Variants in ARHGAP15 observed in about 807,000 individuals in gnomAD.
ARHGAP15 encodes the protein Rho GTPase activating protein 15.
Under a neutral mutation model 63.7 loss-of-function variants are expected in ARHGAP15, and 51 were observed. That is an observed-to-expected ratio of 0.80 (90% CI 0.64 to 1.01). The LOEUF (loss-of-function observed/expected upper bound fraction) is 1.01, where lower values mean the gene tolerates loss of function less well. Ranked by LOEUF, ARHGAP15 falls within the 50% of genes least tolerant of loss-of-function variation. ARHGAP15 has a pLI of 0.00. For synonymous variants in ARHGAP15, 191 were observed against 193.8 expected (o/e 0.99, Z 0.12); for missense variants, 560 against 564.6 (o/e 0.99, Z 0.08).
chr2:143,443,349 G>A (rs576350153), intron 8 of ARHGAP15, among the ~76,000 whole-genome samples: 11 of 151,950 alleles, frequency 7.2e-5, no homozygotes, highest in Admixed American at 1.3e-4. Context: ...CAAAAAAGTC[G>A]TGACATTTTT....
At chr2:143,335,017 C>T (rs1387524850) in intron 6 of ARHGAP15, among the ~76,000 whole-genome samples, 2 of 152,152 alleles carry the variant, frequency 1.3e-5, no homozygotes, top group Admixed American at 1.3e-4. Flanking sequence ...ATAATGTCAT[C>T]AAACTCACGA....
chr2:143,157,659 G>A (rs888144351), intron 2 of ARHGAP15, among the ~76,000 whole-genome samples: 4 of 151,358 alleles, frequency 2.6e-5, no homozygotes, highest in African/African-American at 9.7e-5. Context: ...TTGGCTCAGA[G>A]ATACTGTATT....
At chr2:143,222,190 C>T (rs1365087480) in intron 4 of ARHGAP15, among the ~76,000 whole-genome samples, 2 of 152,192 alleles carry the variant, frequency 1.3e-5, no homozygotes, top group African/African-American at 4.8e-5. Flanking sequence ...CCTAGACCAA[C>T]CAGTTTGAGA....
chr2:143,721,061 C>CCAAAAAAA (rs564224681), intron 13 of ARHGAP15, among the ~76,000 whole-genome samples: 1 of 78,432 alleles, frequency 1.3e-5, no homozygotes, highest in South Asian at 5.6e-4. Flanking sequence ...GACTCCGTCT[C>CCAAAAAAA]AAAAAAAAAA....
rs114321479 is a variant in ARHGAP15, at chr2:143,226,018, A to C, written c.297-2563A>C. Among the ~76,000 whole-genome samples, 1,317 of 152,344 alleles carry C rather than the reference A, an allele frequency of 8.6e-3. 24 individuals are homozygous for C. Among genetic ancestry groups the C allele is most frequent in the African/African-American group, 0.03 (1,249 of 41,572 alleles). On this transcript the variant is annotated intron_variant, in intron 4 of 13. Transcript: ENST00000295095. ...TCACTTTTATTCAGAGAAGATAGACAGTGTTTATAGTTTATAAATTCAAAA... is the reference window on the plus strand; with the variant it reads ...TCACTTTTATTCAGAGAAGATAGACCGTGTTTATAGTTTATAAATTCAAAA...
chr2:143,443,867 C>A (rs1690011552), intron 8 of ARHGAP15, among the ~76,000 whole-genome samples: 1 of 152,176 alleles, frequency 6.6e-6, no homozygotes, highest in African/African-American at 2.4e-5. Flanking sequence ...GCAGTACCTA[C>A]TTTTTCTGGG....
rs116732076 is a variant in ARHGAP15 at position 143,759,284 on chromosome 2, T to C, written c.1245-8705T>C. Among the ~76,000 whole-genome samples, 570 of 152,132 alleles carry C rather than the reference T, an allele frequency of 3.7e-3. 6 individuals carry two copies. Among genetic ancestry groups the C allele is most frequent in the African/African-American group, 0.013 (543 of 41,506 alleles). On this transcript the variant is annotated intron_variant, in intron 13 of 13. Transcript: ENST00000295095. ...TGTGGAGGAAGAGTACATGGGAAGG[T>C]TTTATTTATTTATCTCACTTATACC...
chr2:143,157,229 C>G (rs1690117241), intron 2 of ARHGAP15, among the ~76,000 whole-genome samples: 1 of 151,896 alleles, frequency 6.6e-6, no homozygotes, highest in Admixed American at 6.6e-5. Flanking sequence ...TGTTTATGCA[C>G]TATTACCTTG....
intron 13 of ARHGAP15, among the ~76,000 whole-genome samples, chr2:143,707,449 AAAG>A (rs2105432899): frequency 6.6e-6 from 1 of 152,330 alleles, no homozygotes; most frequent in South Asian, 2.1e-4. Flanking sequence ...CAGACATGGG[AAAG>A]AAGATGACGA....
At chr2:143,404,411 G>C (rs192285466) in intron 6 of ARHGAP15, among the ~76,000 whole-genome samples, 1 of 151,924 alleles carries the variant, frequency 6.6e-6, no homozygotes, top group East Asian at 1.9e-4. Flanking sequence ...TGAATAAATT[G>C]ACAGAAACAG....
At position 143,218,505 on chromosome 2, in the gene ARHGAP15, T is replaced by C. The variant is rs191468387; in HGVS notation, c.296+2060T>C. ...ATCAAACTCATTCTCCATATATATCTATATTTAGCTGTATATGTGGCATTC... is the reference window on the plus strand; with the variant it reads ...ATCAAACTCATTCTCCATATATATCCATATTTAGCTGTATATGTGGCATTC... On this transcript the variant is annotated intron_variant, in intron 4 of 13. Coordinates refer to ENST00000295095, the MANE Select transcript of ARHGAP15 (RefSeq NM_018460.4). Among the ~76,000 whole-genome samples, 345 of 151,348 alleles carry C rather than the reference T, an allele frequency of 2.3e-3. 1 individual carries two copies. The highest frequency in any genetic ancestry group is 6.9e-3 in the Middle Eastern group (2 of 288).
Position 143,624,190 on chromosome 2 carries a change from C to A in ARHGAP15, c.1061C>A (p.Ala354Glu), listed in dbSNP as rs372164074. 10 of 1,613,540 alleles carry A rather than the reference C, an allele frequency of 6.2e-6. No individual in the cohort carries two copies. Among genetic ancestry groups the A allele is most frequent in the African/African-American group, 1.3e-5 (1 of 74,882 alleles). Reference sequence around the variant, plus strand: ...GAGGACATCCACGTTGTCACCGGAGCACTGAAGATGTTTTTCCGGGAGCTG... The same window carrying A: ...GAGGACATCCACGTTGTCACCGGAGAACTGAAGATGTTTTTCCGGGAGCTG... ...QWEDIHVVTG[A>E]LKMFFRELPE... The change falls in exon 12 of 14, where the codon GCA (alanine) becomes GAA (glutamate). Residue 354 changes from alanine (A) to glutamate (E), a missense_variant. By Grantham distance (107) the Ala-to-Glu change is moderately radical. Transcript: ENST00000295095.
intron 12 of ARHGAP15, among the ~76,000 whole-genome samples, chr2:143,661,858 G>C (rs13014832): frequency 6.6e-6 from 1 of 152,022 alleles, no homozygotes; most frequent in African/African-American, 2.4e-5. Flanking sequence ...TACGCTTTTC[G>C]GACCGGCTTA....
At chr2:143,554,176 A>C (rs990817554) in intron 10 of ARHGAP15, among the ~76,000 whole-genome samples, 1 of 152,208 alleles carries the variant, frequency 6.6e-6, no homozygotes, top group African/African-American at 2.4e-5. Context: ...TCTCTTTTAG[A>C]GAACATAGAC....
At chr2:143,135,316 AAC>A (rs1373586578) in intron 1 of ARHGAP15, among the ~76,000 whole-genome samples, 1 of 152,216 alleles carries the variant, frequency 6.6e-6, no homozygotes, top group Non-Finnish European at 1.5e-5. Context: ...CCTTGTCAGT[AAC>A]ACACAATACA....
At chr2:143,208,721 A>G (rs531447243) in intron 3 of ARHGAP15, among the ~76,000 whole-genome samples, 1 of 152,288 alleles carries the variant, frequency 6.6e-6, no homozygotes, top group Admixed American at 6.5e-5. Context: ...ATTCTATATT[A>G]TAACTGTTCA....
At chr2:143,368,135 C>T (rs1483510471) in intron 6 of ARHGAP15, among the ~76,000 whole-genome samples, 1 of 152,022 alleles carries the variant, frequency 6.6e-6, no homozygotes, top group Non-Finnish European at 1.5e-5. Flanking sequence ...CCAGATATCC[C>T]TTCTTCAAGA....
chr2:143,435,638 C>T lies in ARHGAP15; in HGVS notation c.512C>T (p.Ser171Leu). The T allele has an allele frequency of 6.3e-7, 1 of 1,588,778 alleles. No homozygotes were observed. Among genetic ancestry groups the T allele is most frequent in the East Asian group, 2.3e-5 (1 of 43,650 alleles). ...TCAGGAAATGAGTTCCTTCTACAGT[C>T]AGATATTGACTTCATCATATTGGAT... is the stretch of plus-strand genomic sequence containing the variant. The part of the protein sequence containing the change: ...TVSGNEFLLQ[S>L]DIDFIILDWF... The change falls in exon 7 of 14, where the codon TCA becomes TTA. Residue 171 changes from serine (S) to leucine (L), a missense_variant. Coordinates refer to ENST00000295095, the MANE Select transcript of ARHGAP15 (RefSeq NM_018460.4).
rs763629028 is a variant in ARHGAP15 at position 143,436,977 on chromosome 2, C to T, written c.638C>T (p.Thr213Ile). ...ELFKIQRSSS[T>I]ELLSHYDSDI... ...TTCAAAATCCAAAGATCCTCTAGCACTGAATTGCTAAGTCACTACGACAGT... is the reference window on the plus strand; with the variant it reads ...TTCAAAATCCAAAGATCCTCTAGCATTGAATTGCTAAGTCACTACGACAGT... The change falls in exon 8 of 14, where the codon ACT becomes ATT. Residue 213 changes from threonine to isoleucine, a missense_variant. Thr to Ile is a moderately conservative substitution (Grantham distance 89, BLOSUM62 -1). Coordinates refer to ENST00000295095, the MANE Select transcript of ARHGAP15 (RefSeq NM_018460.4). 10 of 1,611,034 alleles carry T rather than the reference C, an allele frequency of 6.2e-6. No homozygotes were observed. The highest frequency in any genetic ancestry group is 8.5e-6 in the Non-Finnish European group (10 of 1,178,904).
Sources: gnomAD v4.1 joint callset for allele counts (sites outside exome capture counted in the v4.1 genomes callset) on GRCh38, gnomAD v4.1.1 for gene constraint, MANE v1.5 for transcripts, NCBI Gene and HGNC (gene_info 2026-07-23, HGNC 2026-07-21) for gene names.